ADK: variants seen among roughly 807,000 people sequenced by gnomAD.
ADK encodes the protein adenosine kinase.
Under a neutral mutation model 44.7 loss-of-function variants are expected in ADK, and 24 were observed. The ratio of observed to expected loss-of-function variants is 0.54; its 90% CI spans 0.39 to 0.76. The LOEUF (loss-of-function observed/expected upper bound fraction) is 0.76, where lower values mean the gene tolerates loss of function less well. Among genes scored for constraint, ADK ranks in the 30% least tolerant of loss-of-function variants. ADK has a pLI of 0.00. For missense variants in ADK, 321 were observed against 425.1 expected (o/e 0.76, Z 2.15); for synonymous variants, 128 against 142.6 (o/e 0.90, Z 0.73).
chr10:74,661,534 T>G lies in ADK; in HGVS notation c.878-8649T>G, dbSNP rs185790755. Among the ~76,000 whole-genome samples, 6 of 152,278 alleles carry G rather than the reference T, an allele frequency of 3.9e-5. No homozygotes were observed. The East Asian group carries it at 1.2e-3, about 29-fold the overall frequency. ...TTCACTCAGATAACTACCGTTGCAT[T>G]CCATTGCCTGATGTATCAAATCCAA... On this transcript the variant is annotated intron_variant, in intron 9 of 10. Coordinates refer to ENST00000539909, the MANE Select transcript of ADK (RefSeq NM_006721.4).
intron 6 of ADK, among the ~76,000 whole-genome samples, chr10:74,484,564 C>T (rs1847198415): frequency 6.6e-6 from 1 of 152,012 alleles, no homozygotes; most frequent in Non-Finnish European, 1.5e-5. Context: ...AATGCCTTTC[C>T]AACCAAAAAA....
intron 4 of ADK, among the ~76,000 whole-genome samples, chr10:74,329,474 T>C (rs898970494): frequency 4.6e-5 from 7 of 152,232 alleles, no homozygotes; most frequent in Non-Finnish European, 1.0e-4. Context: ...ACACCTTGGC[T>C]TATAGACTTC....
intron 6 of ADK, among the ~76,000 whole-genome samples, chr10:74,510,618 A>G (rs1848266700): frequency 6.6e-6 from 1 of 152,116 alleles, no homozygotes; most frequent in Admixed American, 6.6e-5. Flanking sequence ...TTGAAGTTGT[A>G]TTCATAAAAT....
At chr10:74,612,635 A>G (rs1852599218) in intron 9 of ADK, among the ~76,000 whole-genome samples, 1 of 152,078 alleles carries the variant, frequency 6.6e-6, no homozygotes, top group African/African-American at 2.4e-5. Context: ...TCTTTAGTTA[A>G]GTTACAATGG....
At chr10:74,469,212 A>G (rs1344788843) in intron 6 of ADK, among the ~76,000 whole-genome samples, 1 of 152,064 alleles carries the variant, frequency 6.6e-6, no homozygotes, top group African/African-American at 2.4e-5. Context: ...GATAGTGCGC[A>G]CTTGTAGTCT....
At chr10:74,221,027 A>C (rs1169933086) in intron 2 of ADK, among the ~76,000 whole-genome samples, 5 of 145,776 alleles carry the variant, frequency 3.4e-5, no homozygotes, top group African/African-American at 1.3e-4. Context: ...CAGGGCAATC[A>C]GGCAGGAGAA....
chr10:74,157,766 C>A (rs1310900866), intron 1 of ADK, among the ~76,000 whole-genome samples: 7 of 151,576 alleles, frequency 4.6e-5, no homozygotes, highest in Non-Finnish European at 1.0e-4. Context: ...GTGGTCCATG[C>A]CTATAATCCC....
chr10:74,658,443 T>G (rs999551111), intron 9 of ADK, among the ~76,000 whole-genome samples: 9 of 152,106 alleles, frequency 5.9e-5, no homozygotes, highest in Non-Finnish European at 1.3e-4. Flanking sequence ...TTTGTCTGTC[T>G]GTTTTTGATG....
chr10:74,298,275 A>T (rs924100441), intron 3 of ADK, among the ~76,000 whole-genome samples: 1 of 152,180 alleles, frequency 6.6e-6, no homozygotes, highest in East Asian at 1.9e-4. Context: ...TCACTCTCAC[A>T]CTGAAAAGGA....
chr10:74,404,965 G>A (rs992831326), intron 6 of ADK, among the ~76,000 whole-genome samples: 1 of 151,940 alleles, frequency 6.6e-6, no homozygotes, highest in African/African-American at 2.4e-5. Flanking sequence ...ATTATGTTTG[G>A]AATATTTGCA....
rs192318716 is a variant in ADK, at chr10:74,217,251, G to A, written c.141-7287G>A. 7.9e-4 allele frequency among the ~76,000 whole-genome samples: 121 copies of A among 152,334 alleles called. 2 individuals are homozygous for A. The East Asian group carries it at 0.018, about 23-fold the overall frequency. ...CTGGCTCGGAGGGTCCTACGCCCAC[G>A]GAGTCTTGCTGATTGCTAGCACAGC... is the stretch of plus-strand genomic sequence containing the variant. On this transcript the variant is annotated intron_variant, in intron 2 of 10. Transcript: ENST00000539909.
At chr10:74,544,211 A>G (rs1223262075) in intron 7 of ADK, among the ~76,000 whole-genome samples, 1 of 152,174 alleles carries the variant, frequency 6.6e-6, no homozygotes, top group African/African-American at 2.4e-5. Context: ...TTCATTCTTC[A>G]CTACATTCTG....
intron 6 of ADK, among the ~76,000 whole-genome samples, chr10:74,429,395 CA>C (rs1042840710): frequency 6.6e-6 from 1 of 152,156 alleles, no homozygotes; most frequent in African/African-American, 2.4e-5. Context: ...TAACTTGCAA[CA>C]AACTATCCCA....
chr10:74,156,102 G>A (rs940080746), intron 1 of ADK, among the ~76,000 whole-genome samples: 1 of 152,150 alleles, frequency 6.6e-6, no homozygotes, highest in African/African-American at 2.4e-5. Flanking sequence ...GGTAGAGAGA[G>A]CCAGAGGAAA....
intron 9 of ADK, among the ~76,000 whole-genome samples, chr10:74,622,227 G>T (rs1409921114): frequency 1.3e-5 from 2 of 152,098 alleles, no homozygotes; most frequent in Non-Finnish European, 2.9e-5. Context: ...ATTGCAAAAA[G>T]TTATGTTGGC....
intron 1 of ADK, among the ~76,000 whole-genome samples, chr10:74,163,055 C>T (rs1841948422): frequency 6.6e-6 from 1 of 152,036 alleles, no homozygotes; most frequent in South Asian, 2.1e-4. Context: ...GCAGCCTCCA[C>T]CTTCCGGGTT....
intron 4 of ADK, among the ~76,000 whole-genome samples, chr10:74,370,779 T>C (rs1283588353): frequency 6.6e-6 from 1 of 152,104 alleles, no homozygotes; most frequent in Non-Finnish European, 1.5e-5. Context: ...GATCATACTA[T>C]GTTGCCCAGG....
intron 6 of ADK, among the ~76,000 whole-genome samples, chr10:74,524,972 T>C (rs1589216162): frequency 6.6e-6 from 1 of 152,344 alleles, no homozygotes; most frequent in Non-Finnish European, 1.5e-5. Context: ...GAATGAGACC[T>C]TTCAAACATT....
At chr10:74,440,790 C>A (rs967632632) in intron 6 of ADK, among the ~76,000 whole-genome samples, 3 of 151,986 alleles carry the variant, frequency 2.0e-5, no homozygotes, top group African/African-American at 7.2e-5. Flanking sequence ...TAGTATTCTT[C>A]CATTGTATAT....
Sources: allele counts gnomAD v4.1 joint callset (sites outside exome capture counted in the v4.1 genomes callset), GRCh38; gene constraint gnomAD v4.1.1; transcripts MANE v1.5; gene names NCBI Gene and HGNC (gene_info 2026-07-23, HGNC 2026-07-21).